RASSF6: variants seen among roughly 807,000 people sequenced by gnomAD.
RASSF6 encodes Ras association domain family member 6.
In RASSF6, 52 loss-of-function variants were observed where a neutral mutation model predicts 44.0. The observed-to-expected ratio is 1.18, with a 90% CI of 0.95 to 1.49. The LOEUF (loss-of-function observed/expected upper bound fraction) is 1.49. RASSF6 is among the 40% of genes most tolerant of loss of function. RASSF6 has a pLI of 0.00. For missense variants in RASSF6, 464 were observed against 393.3 expected, an observed-to-expected ratio of 1.18 and a Z score of -1.52; for synonymous variants, 162 against 124.6, an observed-to-expected ratio of 1.30 and a Z score of -2.00.
At chr4:73,599,485 G>A (rs1472200169) in intron 2 of RASSF6, among the ~76,000 whole-genome samples, 1 of 152,172 alleles carries the variant, frequency 6.6e-6, no homozygotes, top group East Asian at 1.9e-4. Flanking sequence ...TTCTTGCCTG[G>A]AAACTCCTCC....
At chr4:73,610,892 T>G (rs1396162635) in intron 2 of RASSF6, among the ~76,000 whole-genome samples, 2 of 152,184 alleles carry the variant, frequency 1.3e-5, no homozygotes, top group African/African-American at 4.8e-5. Context: ...TCACAGTGAG[T>G]AATCAGTAAG....
chr4:73,586,368 T>C (rs1724091863), intron 5 of RASSF6, among the ~76,000 whole-genome samples: 1 of 151,984 alleles, frequency 6.6e-6, no homozygotes, highest in Non-Finnish European at 1.5e-5. Flanking sequence ...GATTTTAGAG[T>C]ATAAAATTAT....
chr4:73,620,377 A>G lies in RASSF6; in HGVS notation c.-124T>C, dbSNP rs1304920660. Reference sequence around the variant, plus strand: ...CGGTTTGTTCTCGGCTGGGTCAGGAACTCTGGTAGAGGGAAACCAGTGCCC... The same window carrying G: ...CGGTTTGTTCTCGGCTGGGTCAGGAGCTCTGGTAGAGGGAAACCAGTGCCC... On this transcript the variant is annotated 5_prime_UTR_variant, in exon 1 of 11. Coordinates refer to ENST00000307439, the MANE Select transcript of RASSF6 (RefSeq NM_177532.5). 7.2e-6 allele frequency: 11 copies of G among 1,521,610 alleles called. No homozygotes were observed. The highest frequency in any genetic ancestry group is 8.8e-6 in the Non-Finnish European group (10 of 1,136,346). 94.3% of individuals were successfully genotyped at this position (1,521,610 alleles called of 1,614,324 possible).
intron 4 of RASSF6, among the ~76,000 whole-genome samples, chr4:73,589,690 G>A (rs1030797590): frequency 2.0e-5 from 3 of 152,064 alleles, no homozygotes; most frequent in Non-Finnish European, 2.9e-5. Context: ...AAGCTTCAGG[G>A]CAGTTATCCA....
chr4:73,598,677 T>TA lies in RASSF6; in HGVS notation c.106dup (p.Tyr36LeufsTer2). 1 of 1,525,764 alleles carries TA rather than the reference T, an allele frequency of 6.6e-7. No individual in the cohort carries two copies. The highest frequency in any genetic ancestry group is 8.9e-7 in the Non-Finnish European group (1 of 1,121,194). The allele number at this position is 1,525,764 out of a possible 1,614,324, so 94.5% of individuals were successfully genotyped here. ...AATATGCAGATTTTTCTGGTTCTCA[T>TA]AAAAAATGTTATAGGTCTTCAATAA... On this transcript the variant is annotated frameshift_variant, in exon 3 of 11. Transcript: ENST00000307439. LOFTEE classifies it high-confidence loss of function.
chr4:73,618,170 CT>C (rs1338526634), intron 1 of RASSF6, among the ~76,000 whole-genome samples: 1 of 152,084 alleles, frequency 6.6e-6, no homozygotes, highest in African/African-American at 2.4e-5. Flanking sequence ...CTGTGTCACT[CT>C]TTTCTCTCTT....
intron 3 of RASSF6, 148 bp downstream of exon 3, chr4:73,598,492 A>C: frequency 2.0e-6 from 1 of 498,332 alleles, no homozygotes; most frequent in Non-Finnish European, 3.5e-6. Context: ...AAAAATGCTT[A>C]GAAAGTCACA....
intron 4 of RASSF6, among the ~76,000 whole-genome samples, chr4:73,590,588 T>C (rs1363926231): frequency 6.6e-6 from 1 of 152,230 alleles, no homozygotes; most frequent in Non-Finnish European, 1.5e-5. Context: ...AGTGATACCT[T>C]AGGTGGCTAT....
At position 73,575,184 on chromosome 4, in the gene RASSF6, A is replaced by G. The variant is rs1045060598; in HGVS notation, c.*1051T>C. ...TGATCAATTTACTACAATGCTTATG[A>G]GGAATGCAAATGGAATTAGTTTACA... On this transcript the variant is annotated 3_prime_UTR_variant, in exon 11 of 11. Transcript: ENST00000307439. The G allele has an allele frequency of 6.6e-6, 1 of 152,254 alleles. No individual in the cohort carries two copies. Among genetic ancestry groups the G allele is most frequent in the African/African-American group, 2.4e-5 (1 of 41,466 alleles). 9.4% of individuals were successfully genotyped at this position (152,254 alleles called of 1,614,324 possible). A position where few individuals can be genotyped will look rare whatever the true frequency, so the allele number is the denominator to read the frequency against.
At chr4:73,593,320 C>T (rs968774104) in intron 4 of RASSF6, 131 bp downstream of exon 4, 2 of 961,202 alleles carry the variant, frequency 2.1e-6, no homozygotes, top group South Asian at 1.9e-5. Flanking sequence ...CCGGCCATTG[C>T]TGGGAAATTA....
At chr4:73,590,903 T>C (rs1160299927) in intron 4 of RASSF6, among the ~76,000 whole-genome samples, 2 of 152,208 alleles carry the variant, frequency 1.3e-5, no homozygotes, top group Non-Finnish European at 2.9e-5. Flanking sequence ...AATGTACTAA[T>C]AAACAATGCA....
At chr4:73,615,430 C>A (rs1247600) in intron 1 of RASSF6, among the ~76,000 whole-genome samples, 150,114 of 152,210 alleles carry the variant, frequency 0.99, 74,051 homozygotes, top group East Asian at 1. Context: ...TGAATAGCAA[C>A]GAGGGAGAGA....
intron 8 of RASSF6, among the ~76,000 whole-genome samples, chr4:73,580,451 G>A (rs13101943): frequency 0.99 from 134,890 of 135,928 alleles, 66,926 homozygotes; most frequent in Middle Eastern, 1. Flanking sequence ...TCGCCACACT[G>A]ACTTCCACAA....
chr4:73,620,325 CAT>C lies in RASSF6; in HGVS notation c.-74_-73del. On this transcript the variant is annotated 5_prime_UTR_variant, in exon 1 of 11. The change abolishes an upstream ATG in the 5' untranslated region. Coordinates refer to ENST00000307439, the MANE Select transcript of RASSF6 (RefSeq NM_177532.5). ...CTGTGAGCAGGAGGACCCTTTTCACCATCGTTGTTCGGCTGAACTTGCTTCGC... is the reference window on the plus strand; with the variant it reads ...CTGTGAGCAGGAGGACCCTTTTCACCCGTTGTTCGGCTGAACTTGCTTCGC... 6.8e-7 allele frequency: 1 copy of C among 1,474,368 alleles called. No individual in the cohort carries two copies. The highest frequency in any genetic ancestry group is 1.4e-5 in the South Asian group (1 of 71,726). 91.3% of individuals were successfully genotyped at this position (1,474,368 alleles called of 1,614,324 possible). A position where few individuals can be genotyped will look rare whatever the true frequency, so the allele number is the denominator to read the frequency against.
chr4:73,593,658 C>A, intron 3 of RASSF6, 65 bp from the exon 4 acceptor site: 1 of 1,503,926 alleles, frequency 6.6e-7, no homozygotes, highest in South Asian at 1.2e-5. Flanking sequence ...AATGTTTTAA[C>A]GAAGATGTAG....
intron 2 of RASSF6, among the ~76,000 whole-genome samples, chr4:73,607,598 G>A (rs112230429): frequency 0.014 from 2,115 of 152,244 alleles, 35 homozygotes; most frequent in South Asian, 0.046. Context: ...TTAGATCTAT[G>A]TGGATCTCAA....
chr4:73,593,656 A>C lies in RASSF6; in HGVS notation c.145-63T>G, dbSNP rs1254717795. On this transcript the variant is annotated intron_variant, in intron 3 of 10. Coordinates refer to ENST00000307439, the MANE Select transcript of RASSF6 (RefSeq NM_177532.5). ...ATTATTTATAGACGGTAAATGTTTT[A>C]ACGAAGATGTAGAAATTAAGTGCGT... 9.2e-6 allele frequency: 14 copies of C among 1,520,792 alleles called. 1 individual carries two copies. Among genetic ancestry groups the C allele is most frequent in the Non-Finnish European group, 1.3e-5 (14 of 1,114,364 alleles). 94.2% of individuals were successfully genotyped at this position (1,520,792 alleles called of 1,614,324 possible).
chr4:73,581,367 C>T (rs1249790389), intron 8 of RASSF6, among the ~76,000 whole-genome samples: 1 of 152,138 alleles, frequency 6.6e-6, no homozygotes, highest in Non-Finnish European at 1.5e-5. Flanking sequence ...ATATGCATCT[C>T]TACTGAGGAA....
intron 1 of RASSF6, 109 bp from the exon 2 acceptor site, chr4:73,611,938 G>T: frequency 1.5e-6 from 1 of 665,184 alleles, no homozygotes; most frequent in Non-Finnish European, 2.5e-6. Flanking sequence ...GAAGGTTTTA[G>T]AAAGTTTTTA....
Sources: gnomAD v4.1 joint callset for allele counts (sites outside exome capture counted in the v4.1 genomes callset) on GRCh38, gnomAD v4.1.1 for gene constraint, MANE v1.5 for transcripts, NCBI Gene and HGNC (gene_info 2026-07-23, HGNC 2026-07-21) for gene names.